Variants in SMARCC1 observed in about 807,000 individuals in gnomAD.
SMARCC1 encodes SWI/SNF related BAF chromatin remodeling complex subunit C1, also known as SWI/SNF complex subunit SMARCC1.
A neutral mutation model predicts 147.4 loss-of-function variants in SMARCC1; 43 were observed. The ratio of observed to expected loss-of-function variants is 0.29; its 90% confidence interval spans 0.23 to 0.38. The LOEUF (loss-of-function observed/expected upper bound fraction) is 0.38, where lower values mean the gene tolerates loss of function less well. Among genes scored for constraint, SMARCC1 ranks in the 10% least tolerant of loss-of-function variants. The pLI is 1.00. For synonymous variants in SMARCC1, 495 were observed against 484.4 expected (o/e 1.02, Z -0.29); for missense variants, 1,119 against 1,381.1 (o/e 0.81, Z 3.01).
At chr3:47,735,228 G>C (rs1165997536) in intron 5 of SMARCC1, among the ~76,000 whole-genome samples, 1 of 150,584 alleles carries the variant, frequency 6.6e-6, no homozygotes, top group Non-Finnish European at 1.5e-5. Context: ...TAATACACTA[G>C]TTTCCTTAGG....
chr3:47,712,926 T>C (rs1431121901), intron 8 of SMARCC1, among the ~76,000 whole-genome samples: 3 of 152,158 alleles, frequency 2.0e-5, no homozygotes, highest in Non-Finnish European at 4.4e-5. Flanking sequence ...AATCCTTCAG[T>C]AGTACTTCAC....
In SMARCC1 at chr3:47,726,061, C is replaced by CAAAAAAAAAAAAAAAAAAAAA. The variant is rs546659321; in HGVS notation, c.646+2963_646+2964insTTTTTTTTTTTTTTTTTTTTT. 9.8e-5 allele frequency among the ~76,000 whole-genome samples: 5 copies of CAAAAAAAAAAAAAAAAAAAAA among 50,782 alleles called. 1 individual carries two copies. Among genetic ancestry groups the CAAAAAAAAAAAAAAAAAAAAA allele is most frequent in the Non-Finnish European group, 1.4e-4 (4 of 28,962 alleles). 33.3% of individuals were successfully genotyped at this position (50,782 alleles called of 152,430 possible). On this transcript the variant is annotated intron_variant, in intron 6 of 27. Transcript: ENST00000254480. Reference sequence around the variant, plus strand: ...TGGGTAGAAGAGTGAGACTCTGTCTCAAAAAAAAAAAAAAAAAAAAGGTGA... The same window carrying CAAAAAAAAAAAAAAAAAAAAA: ...TGGGTAGAAGAGTGAGACTCTGTCTCAAAAAAAAAAAAAAAAAAAAAAAAAAAAAAAAAAAAAAAAAGGTGA...
intron 26 of SMARCC1, among the ~76,000 whole-genome samples, chr3:47,597,405 C>T (rs2032304598): frequency 6.6e-6 from 1 of 151,974 alleles, no homozygotes; most frequent in Non-Finnish European, 1.5e-5. Context: ...TGCAGTGGTG[C>T]AATCTCCGCC....
At chr3:47,628,911 C>T (rs2032849062) in intron 24 of SMARCC1, among the ~76,000 whole-genome samples, 1 of 152,114 alleles carries the variant, frequency 6.6e-6, no homozygotes, top group African/African-American at 2.4e-5. Context: ...GTAGAAAGAA[C>T]ATAAACTGGG....
intron 13 of SMARCC1, among the ~76,000 whole-genome samples, chr3:47,686,896 A>G (rs1366594989): frequency 6.6e-6 from 1 of 152,190 alleles, no homozygotes; most frequent in East Asian, 1.9e-4. Context: ...GAAGTCAGCA[A>G]GATTGCTTGA....
At position 47,595,765 on chromosome 3, in the gene SMARCC1, C is replaced by T. The variant is rs1382108091; in HGVS notation, c.3044-4928G>A. 9.2e-4 allele frequency among the ~76,000 whole-genome samples: 135 copies of T among 146,782 alleles called. 1 individual carries two copies. Among genetic ancestry groups the T allele is most frequent in the African/African-American group, 3.0e-3 (119 of 39,980 alleles). On this transcript the variant is annotated intron_variant, in intron 26 of 27. Coordinates refer to ENST00000254480, the MANE Select transcript of SMARCC1 (RefSeq NM_003074.4). ...TTCTTTTTTTTTGAGACGGGAGTCTCACTCTGTTGCCCAGGCTGGAGTGCA... is the reference window on the plus strand; with the variant it reads ...TTCTTTTTTTTTGAGACGGGAGTCTTACTCTGTTGCCCAGGCTGGAGTGCA...
At chr3:47,662,104 C>T (rs1474844872) in intron 20 of SMARCC1, among the ~76,000 whole-genome samples, 1 of 152,020 alleles carries the variant, frequency 6.6e-6, no homozygotes, top group Non-Finnish European at 1.5e-5. Flanking sequence ...AAGCGATTCT[C>T]CTGCCTCAGC....
chr3:47,746,106 C>T (rs1451722677), intron 2 of SMARCC1, 113 bp from the exon 3 acceptor site: 1 of 600,370 alleles, frequency 1.7e-6, no homozygotes, highest in South Asian at 2.6e-5. Context: ...AATTAAACAA[C>T]CTCCTTAAAC....
intron 2 of SMARCC1, among the ~76,000 whole-genome samples, chr3:47,748,068 G>C (rs1394711138): frequency 1.3e-5 from 2 of 152,056 alleles, no homozygotes; most frequent in East Asian, 3.9e-4. Context: ...TGAGGCAGGA[G>C]AATCGCTTGA....
intron 2 of SMARCC1, among the ~76,000 whole-genome samples, chr3:47,763,886 A>AT (rs1230831921): frequency 1.3e-5 from 2 of 150,188 alleles, no homozygotes; most frequent in Non-Finnish European, 3.0e-5. Flanking sequence ...CACCAAGCTA[A>AT]TTTTTTTTTA....
At chr3:47,645,221 G>A (rs2033102711) in intron 21 of SMARCC1, among the ~76,000 whole-genome samples, 1 of 151,532 alleles carries the variant, frequency 6.6e-6, no homozygotes, top group Non-Finnish European at 1.5e-5. Flanking sequence ...TTGATCCTAG[G>A]TCAAGCCTGC....
At chr3:47,650,307 T>A (rs563039910) in intron 21 of SMARCC1, among the ~76,000 whole-genome samples, 57 of 141,740 alleles carry the variant, frequency 4.0e-4, no homozygotes, top group African/African-American at 1.3e-3. Flanking sequence ...TAATTATTAT[T>A]ATTATTATTA....
rs1256381652 is a variant in SMARCC1, at chr3:47,781,871, C to T, written c.-74G>A. On this transcript the variant is annotated 5_prime_UTR_variant, in exon 1 of 28. The change creates a new upstream start codon in the 5' untranslated region. Transcript: ENST00000254480. The stretch of plus-strand genomic sequence containing the variant: ...TGTTTCCCGGTCGTTCCCGCGCGCA[C>T]CCCCGCGCGCGTAGCCGCCACTGCC... 2 of 1,050,778 alleles carry T rather than the reference C, an allele frequency of 1.9e-6. No homozygotes were observed. Among genetic ancestry groups the T allele is most frequent in the Non-Finnish European group, 2.4e-6 (2 of 817,520 alleles). The allele number at this position is 1,050,778 out of a possible 1,614,324, so 65.1% of individuals were successfully genotyped here.
intron 18 of SMARCC1, among the ~76,000 whole-genome samples, chr3:47,673,065 G>C (rs2033521220): frequency 6.6e-6 from 1 of 151,938 alleles, no homozygotes; most frequent in South Asian, 2.1e-4. Flanking sequence ...GACTGCTGAA[G>C]CTTTCATATG....
chr3:47,616,260 C>G (rs1392275864), intron 25 of SMARCC1, among the ~76,000 whole-genome samples: 1 of 152,192 alleles, frequency 6.6e-6, no homozygotes, highest in African/African-American at 2.4e-5. Context: ...AGTCTACAGA[C>G]ACAATGAGTG....
intron 1 of SMARCC1, among the ~76,000 whole-genome samples, chr3:47,780,168 G>GGTTTTTTTTTTT (rs71625832): frequency 1.6e-5 from 1 of 61,882 alleles, no homozygotes; most frequent in African/African-American, 6.6e-5. Context: ...GTTTTTTTTT[G>GGTTTTTTTTTTT]TTTTTTTTTT....
At position 47,621,848 on chromosome 3, in the gene SMARCC1, T is replaced by C. The variant is rs951429980; in HGVS notation, c.2781+359A>G. Reference sequence around the variant, plus strand: ...AAAAAAAAAAAAGAAAGAAAATCCCTGACTCAGATAATAGAGTTATACAGT... The same window carrying C: ...AAAAAAAAAAAAGAAAGAAAATCCCCGACTCAGATAATAGAGTTATACAGT... On this transcript the variant is annotated intron_variant, in intron 25 of 27. Transcript: ENST00000254480. 8.6e-5 allele frequency among the ~76,000 whole-genome samples: 13 copies of C among 151,274 alleles called. No individual in the cohort carries two copies. The East Asian group carries it at 2.5e-3, about 29-fold the overall frequency.
chr3:47,734,998 G>C (rs1362328379), intron 5 of SMARCC1, among the ~76,000 whole-genome samples: 1 of 151,972 alleles, frequency 6.6e-6, no homozygotes, highest in Non-Finnish European at 1.5e-5. Flanking sequence ...CTCGTGATCC[G>C]CCCGCCTTGG....
Position 47,770,256 on chromosome 3 carries a change from G to A in SMARCC1, c.315+2561C>T, listed in dbSNP as rs76421876. Among the ~76,000 whole-genome samples the A allele has an allele frequency of 2.5e-3, 385 of 151,746 alleles. 19 individuals carry two copies. In the East Asian group the frequency reaches 0.068, roughly 27 times the overall value. Reference sequence around the variant, plus strand: ...AAAAATAAATAATAAGGCTGAGCATGGTTACTCATACCAGTAATCCCAGGA... The same window carrying A: ...AAAAATAAATAATAAGGCTGAGCATAGTTACTCATACCAGTAATCCCAGGA... On this transcript the variant is annotated intron_variant, in intron 2 of 27. Transcript: ENST00000254480.
Sources: allele counts gnomAD v4.1 joint callset (sites outside exome capture counted in the v4.1 genomes callset), GRCh38; gene constraint gnomAD v4.1.1; transcripts MANE v1.5; gene names NCBI Gene and HGNC (gene_info 2026-07-23, HGNC 2026-07-21).